Variants in GPR89B observed in about 807,000 individuals in gnomAD.
GPR89B encodes golgi pH regulator B, also known as G protein-coupled receptor 89B.
GPR89B carries 25 observed loss-of-function variants against 52.4 expected under a neutral mutation model. The observed-to-expected ratio is 0.48, with a 90% CI of 0.35 to 0.67. The LOEUF is 0.67. Among genes scored for constraint, GPR89B ranks in the 30% least tolerant of loss-of-function variants. GPR89B has a pLI of 0.01. For missense variants in GPR89B, 146 were observed against 450.2 expected (o/e 0.32, Z 6.11); for synonymous variants, 52 against 151.2 (o/e 0.34, Z 4.81).
intron 10 of GPR89B, among the ~76,000 whole-genome samples, chr1:147,981,318 G>A (rs1361625864): frequency 2.0e-5 from 3 of 149,170 alleles, no homozygotes; most frequent in East Asian, 2.0e-4. Flanking sequence ...CTCCCTCCCC[G>A]ACACACACAC....
chr1:148,014,085 G>C, the GPR89B span, among the ~76,000 whole-genome samples: 1 of 151,190 alleles, frequency 6.6e-6, no homozygotes, highest in Non-Finnish European at 1.5e-5. Flanking sequence ...CGCAGGCCTT[G>C]TGGCCTTTCT....
downstream of GPR89B, among the ~76,000 whole-genome samples, chr1:147,997,302 G>A (rs1659338516): frequency 6.6e-6 from 1 of 152,188 alleles, no homozygotes. Context: ...ATTTTGGTGT[G>A]TGTCTGTGAA....
chr1:147,931,726 C>T (rs1221709163), intron 1 of GPR89B, among the ~76,000 whole-genome samples: 1 of 151,736 alleles, frequency 6.6e-6, no homozygotes, highest in African/African-American at 2.4e-5. Context: ...TCAACCCTTC[C>T]CCCTTCTCCC....
At chr1:148,017,304 A>T in the GPR89B span, among the ~76,000 whole-genome samples, 1 of 151,404 alleles carries the variant, frequency 6.6e-6, no homozygotes, top group African/African-American at 2.4e-5. Flanking sequence ...AGCCTCCCAA[A>T]GTGCTGGGAT....
intron 5 of GPR89B, among the ~76,000 whole-genome samples, chr1:147,950,426 C>A (rs1461761273): frequency 1.3e-5 from 2 of 150,144 alleles, no homozygotes; most frequent in Non-Finnish European, 1.5e-5. Flanking sequence ...GGCGGCCGGG[C>A]AGAGACGCTC....
At chr1:147,939,796 A>C (rs1460104712) in intron 3 of GPR89B, among the ~76,000 whole-genome samples, 2 of 151,628 alleles carry the variant, frequency 1.3e-5, no homozygotes, top group Admixed American at 1.3e-4. Flanking sequence ...GCAGGGGTTC[A>C]AGACGAGCCT....
chr1:147,934,722 T>A (rs1403604541), intron 1 of GPR89B, among the ~76,000 whole-genome samples: 1 of 152,108 alleles, frequency 6.6e-6, no homozygotes, highest in African/African-American at 2.4e-5. Flanking sequence ...ATATCATGTA[T>A]GTATTTCTAT....
At chr1:148,012,221 T>C in the GPR89B span, 1 of 151,870 alleles carries the variant, frequency 6.6e-6, no homozygotes, top group Middle Eastern at 3.2e-3. Context: ...AACTGGGAAC[T>C]GTTATACATA....
the GPR89B span, among the ~76,000 whole-genome samples, chr1:148,015,293 A>ATCTCCCTCTCTCTC: frequency 5.7e-5 from 4 of 69,888 alleles, no homozygotes; most frequent in Non-Finnish European, 5.4e-5. Flanking sequence ...GGATTCTAGG[A>ATCTCCCTCTCTCTC]TCTCTCTCTC....
chr1:147,979,745 A>G (rs1270905133), intron 10 of GPR89B, among the ~76,000 whole-genome samples: 8 of 151,924 alleles, frequency 5.3e-5, no homozygotes, highest in Non-Finnish European at 1.2e-4. Context: ...GTCATGGTGA[A>G]TTATCATTTT....
In GPR89B at chr1:147,962,315, T is replaced by C. The variant is rs1230154093; in HGVS notation, c.618-4239T>C. Among the ~76,000 whole-genome samples, 16 of 151,026 alleles carry C rather than the reference T, an allele frequency of 1.1e-4. No homozygotes were observed. The East Asian group carries it at 3.1e-3, about 29-fold the overall frequency. On this transcript the variant is annotated intron_variant, in intron 7 of 13. Transcript: ENST00000314163. ...GGCATGCGCCTGTAGTCCCAGCTAC[T>C]TGGGAGGTTGAGACAGAAGAATTGC... is the stretch of plus-strand genomic sequence containing the variant.
At position 147,984,542 on chromosome 1, in the gene GPR89B, C is replaced by G. The variant is rs1480354928; in HGVS notation, c.910-1657C>G. On this transcript the variant is annotated intron_variant, in intron 10 of 13. Transcript: ENST00000314163. ...TTTTGCTATTTCATTGATTTCTGCT[C>G]TGGTCTTTGTTATTTCCTTTCTTCT... Among the ~76,000 whole-genome samples the G allele has an allele frequency of 2.6e-3, 396 of 149,580 alleles. 5 individuals are homozygous for G. Among genetic ancestry groups the G allele is most frequent in the African/African-American group, 8.6e-3 (351 of 40,604 alleles).
At chr1:148,002,270 C>G in the GPR89B span, among the ~76,000 whole-genome samples, 3 of 152,074 alleles carry the variant, frequency 2.0e-5, no homozygotes, top group Non-Finnish European at 4.4e-5. Flanking sequence ...GTCCCCATAT[C>G]TAGACGATTG....
the GPR89B span, chr1:148,011,991 A>C: frequency 6.6e-5 from 10 of 152,132 alleles, no homozygotes; most frequent in African/African-American, 1.9e-4. Flanking sequence ...TCTCCAGCTC[A>C]CCAGTCTAAC....
chr1:148,017,337 C>T, the GPR89B span, among the ~76,000 whole-genome samples: 4 of 151,554 alleles, frequency 2.6e-5, no homozygotes, highest in South Asian at 2.1e-4. Context: ...CCATTGTGCC[C>T]GGCCTATACA....
the GPR89B span, among the ~76,000 whole-genome samples, chr1:148,012,417 T>C: frequency 0.064 from 9,586 of 150,408 alleles, 443 homozygotes; most frequent in Non-Finnish European, 0.091. Flanking sequence ...AAATTCTGTC[T>C]TTGACTCCCT....
downstream of GPR89B, chr1:147,994,029 T>C: frequency 1.0e-6 from 1 of 992,244 alleles, no homozygotes; most frequent in Non-Finnish European, 1.3e-6. Context: ...TACAGAGAAA[T>C]GTAGTTAAGT....
chr1:148,013,302 C>T, the GPR89B span, among the ~76,000 whole-genome samples: 1 of 152,104 alleles, frequency 6.6e-6, no homozygotes, highest in Non-Finnish European at 1.5e-5. Context: ...CGTTCCTGCC[C>T]CGCAAGCCTC....
intron 10 of GPR89B, among the ~76,000 whole-genome samples, chr1:147,981,389 C>T (rs1658241681): frequency 6.7e-6 from 1 of 149,370 alleles, no homozygotes; most frequent in South Asian, 2.1e-4. Flanking sequence ...GTGGCCCCAG[C>T]TACTCGGGAG....
Sources: allele counts gnomAD v4.1 joint callset (sites outside exome capture counted in the v4.1 genomes callset), GRCh38; gene constraint gnomAD v4.1.1; transcripts MANE v1.5; gene names NCBI Gene and HGNC (gene_info 2026-07-23, HGNC 2026-07-21).